FHIT: variants seen among roughly 807,000 people sequenced by gnomAD.
The protein encoded by FHIT is fragile histidine triad diadenosine triphosphatase, also known as bis(5'-adenosyl)-triphosphatase.
FHIT carries 19 observed loss-of-function variants against 17.9 expected under a neutral mutation model. The ratio of observed to expected loss-of-function variants is 1.06; its 90% CI spans 0.74 to 1.56. The LOEUF (loss-of-function observed/expected upper bound fraction) is 1.56, where lower values mean the gene tolerates loss of function less well. FHIT is among the 40% of genes most tolerant of loss of function. The pLI is 0.00. For synonymous variants in FHIT, 81 were observed against 69.7 expected, an observed-to-expected ratio of 1.16 and a Z score of -0.81; for missense variants, 248 against 189.2, an observed-to-expected ratio of 1.31 and a Z score of -1.82.
chr3:59,953,707 AG>A (rs556225385), intron 7 of FHIT, among the ~76,000 whole-genome samples: 164 of 152,304 alleles, frequency 1.1e-3, no homozygotes, highest in Non-Finnish European at 2.1e-3. Context: ...GCTGACACCT[AG>A]CACACCAAAC....
chr3:61,213,225 G>A (rs1364322303), intron 1 of FHIT, among the ~76,000 whole-genome samples: 4 of 152,212 alleles, frequency 2.6e-5, no homozygotes, highest in Non-Finnish European at 4.4e-5. Context: ...TGGATAAAGA[G>A]TCAAGACCCA....
chr3:60,559,767 C>T (rs2036870424), intron 4 of FHIT, among the ~76,000 whole-genome samples: 1 of 104,544 alleles, frequency 9.6e-6, no homozygotes, highest in Non-Finnish European at 2.1e-5. Context: ...CTCTTACGGG[C>T]ACTTACACCA....
chr3:61,154,228 G>C (rs1265814679), intron 2 of FHIT, among the ~76,000 whole-genome samples: 2 of 152,134 alleles, frequency 1.3e-5, no homozygotes, highest in Non-Finnish European at 2.9e-5. Flanking sequence ...CTTGGCTCAG[G>C]GAAACCTCCC....
chr3:60,164,384 T>C (rs1034406779), intron 5 of FHIT, among the ~76,000 whole-genome samples: 1 of 152,220 alleles, frequency 6.6e-6, no homozygotes, highest in African/African-American at 2.4e-5. Flanking sequence ...ATGGCACTGC[T>C]GGGATGTGTC....
chr3:60,778,164 A>G (rs56301022), intron 4 of FHIT, among the ~76,000 whole-genome samples: 1 of 152,174 alleles, frequency 6.6e-6, no homozygotes, highest in Non-Finnish European at 1.5e-5. Flanking sequence ...CTAAAATTCT[A>G]ATGTCTGAGT....
chr3:61,176,501 A>T (rs1401895023), intron 2 of FHIT, among the ~76,000 whole-genome samples: 2 of 152,224 alleles, frequency 1.3e-5, no homozygotes, highest in Non-Finnish European at 2.9e-5. Context: ...CAGAGAAGTT[A>T]TGTATCCTGG....
chr3:59,857,673 G>A lies in FHIT; in HGVS notation c.348+64673C>T, dbSNP rs146254052. Among the ~76,000 whole-genome samples, 1,073 of 145,278 alleles carry A rather than the reference G, an allele frequency of 7.4e-3. 10 individuals are homozygous for A. Among genetic ancestry groups the A allele is most frequent in the Middle Eastern group, 0.031 (8 of 262 alleles). On this transcript the variant is annotated intron_variant, in intron 8 of 9. Coordinates refer to ENST00000492590, the MANE Select transcript of FHIT (RefSeq NM_002012.4). ...CTCCTGTTAAAGATTACAGAGTGAC[G>A]TCACTTATGACTATGCTGTGCAAAG... is the stretch of plus-strand genomic sequence containing the variant.
chr3:61,202,641 T>C (rs1420732185), intron 1 of FHIT, among the ~76,000 whole-genome samples: 1 of 152,166 alleles, frequency 6.6e-6, no homozygotes, highest in East Asian at 1.9e-4. Flanking sequence ...AAATGCATAC[T>C]TTCATATATC....
Position 60,221,291 on chromosome 3 carries a change from A to G in FHIT, c.104-207139T>C, listed in dbSNP as rs113545759. The stretch of plus-strand genomic sequence containing the variant: ...GAACGTTTTTTTCCTTTTGTTTTAG[A>G]CAAGCAGAACAACTCATAATAGTAG... On this transcript the variant is annotated intron_variant, in intron 5 of 9. Coordinates refer to ENST00000492590, the MANE Select transcript of FHIT (RefSeq NM_002012.4). 3.9e-5 allele frequency among the ~76,000 whole-genome samples: 6 copies of G among 152,214 alleles called. 1 individual carries two copies. The highest frequency in any genetic ancestry group is 1.4e-4 in the African/African-American group (6 of 41,536).
intron 5 of FHIT, among the ~76,000 whole-genome samples, chr3:60,094,144 C>T: frequency 6.6e-6 from 1 of 152,162 alleles, no homozygotes; most frequent in Non-Finnish European, 1.5e-5. Context: ...CTAAGAGAAT[C>T]TACCCACTAA....
intron 8 of FHIT, among the ~76,000 whole-genome samples, chr3:59,880,843 T>C (rs1319157679): frequency 1.3e-5 from 2 of 152,166 alleles, no homozygotes; most frequent in Non-Finnish European, 2.9e-5. Context: ...ATTTTACCAT[T>C]AGCCAAAACA....
chr3:61,174,941 T>C (rs1198251245), intron 2 of FHIT, among the ~76,000 whole-genome samples: 1 of 152,178 alleles, frequency 6.6e-6, no homozygotes, highest in East Asian at 1.9e-4. Flanking sequence ...TCATGGTGAA[T>C]GGCATGCAAT....
intron 4 of FHIT, among the ~76,000 whole-genome samples, chr3:60,746,887 C>T (rs1475063619): frequency 6.6e-6 from 1 of 152,028 alleles, no homozygotes; most frequent in East Asian, 1.9e-4. Flanking sequence ...CATTCTCTTG[C>T]CAAATGGAGT....
intron 5 of FHIT, among the ~76,000 whole-genome samples, chr3:60,466,054 C>T (rs1480375132): frequency 2.0e-4 from 30 of 152,054 alleles, no homozygotes; most frequent in Non-Finnish European, 2.9e-4. Flanking sequence ...GTGTCCTCTT[C>T]AATTTTTTAC....
chr3:61,151,046 A>C (rs554199630), intron 2 of FHIT, among the ~76,000 whole-genome samples: 25 of 152,332 alleles, frequency 1.6e-4, no homozygotes, highest in African/African-American at 6.0e-4. Context: ...TTACTGATTA[A>C]AATTATTTAC....
intron 5 of FHIT, among the ~76,000 whole-genome samples, chr3:60,429,200 A>T (rs776684285): frequency 2.6e-5 from 4 of 152,068 alleles, no homozygotes; most frequent in Non-Finnish European, 5.9e-5. Flanking sequence ...ATGAAAAATA[A>T]ACCAGGAGGC....
At chr3:59,907,315 T>C (rs1322769581) in intron 8 of FHIT, among the ~76,000 whole-genome samples, 2 of 152,192 alleles carry the variant, frequency 1.3e-5, no homozygotes, top group African/African-American at 2.4e-5. Context: ...CAGGCTAATA[T>C]TTCAAAGTAA....
chr3:60,923,860 T>C (rs1265539400), intron 3 of FHIT, among the ~76,000 whole-genome samples: 1 of 152,194 alleles, frequency 6.6e-6, no homozygotes, highest in Non-Finnish European at 1.5e-5. Context: ...ACTCCCACCC[T>C]AATACTGTGC....
intron 2 of FHIT, among the ~76,000 whole-genome samples, chr3:61,070,024 C>T (rs2034749377): frequency 6.6e-6 from 1 of 152,144 alleles, no homozygotes; most frequent in South Asian, 2.1e-4. Flanking sequence ...GATTCTCCTG[C>T]TTCAGCCTTC....
Sources: allele counts gnomAD v4.1 joint callset (sites outside exome capture counted in the v4.1 genomes callset), GRCh38; gene constraint gnomAD v4.1.1; transcripts MANE v1.5; gene names NCBI Gene and HGNC (gene_info 2026-07-23, HGNC 2026-07-21).